The following JHY variants were observed in gnomAD, a reference collection of about 807,000 sequenced individuals.
JHY encodes junctional cadherin complex regulator.
A neutral mutation model predicts 78.0 loss-of-function variants in JHY; 69 were observed. The observed-to-expected ratio is 0.88, with a 90% CI of 0.73 to 1.08. JHY has a LOEUF of 1.08. JHY is among the 50% of genes least tolerant of loss of function. The pLI, the probability that JHY is intolerant of heterozygous loss-of-function variation, is 0.00. For synonymous variants in JHY, 368 were observed against 342.6 expected (o/e 1.07, Z -0.82); for missense variants, 944 against 927.8 (o/e 1.02, Z -0.23).
chr11:122,935,144 A>G lies in JHY; in HGVS notation c.1634+69A>G. On this transcript the variant is annotated intron_variant, in intron 5 of 8. Transcript: ENST00000227349. The surrounding 1 kb of genome is among the most constrained non-coding windows in gnomAD (Gnocchi z 4.5). Reference sequence around the variant, plus strand: ...AGAGACTGCTGCAGAAAGACGGGAGAGGAAGAAGGGGAAGGGGAATCCATA... The same window carrying G: ...AGAGACTGCTGCAGAAAGACGGGAGGGGAAGAAGGGGAAGGGGAATCCATA... 1 of 1,385,012 alleles carries G rather than the reference A, an allele frequency of 7.2e-7. No homozygotes were observed. Among genetic ancestry groups the G allele is most frequent in the African/African-American group, 1.5e-5 (1 of 68,802 alleles). 85.8% of individuals were successfully genotyped at this position (1,385,012 alleles called of 1,614,324 possible).
chr11:122,912,349 G>A (rs879366556), intron 3 of JHY, among the ~76,000 whole-genome samples: 6 of 151,878 alleles, frequency 4.0e-5, no homozygotes, highest in South Asian at 2.1e-4. Flanking sequence ...AGGTCTCTCT[G>A]AGGACGTATC....
At chr11:122,902,207 G>A (rs1226974566) in intron 2 of JHY, among the ~76,000 whole-genome samples, 3 of 151,632 alleles carry the variant, frequency 2.0e-5, no homozygotes, top group Admixed American at 6.6e-5. Flanking sequence ...CTGTAATCCC[G>A]AAACTTTGGG....
chr11:122,904,774 CA>C (rs1259186223), intron 3 of JHY, among the ~76,000 whole-genome samples: 3 of 152,196 alleles, frequency 2.0e-5, no homozygotes, highest in Non-Finnish European at 4.4e-5. Context: ...ATTCTCCATT[CA>C]AAGAAATCTG....
intron 8 of JHY, among the ~76,000 whole-genome samples, chr11:122,958,155 C>T (rs1037958192): frequency 6.6e-6 from 1 of 152,190 alleles, no homozygotes; most frequent in Non-Finnish European, 1.5e-5. Context: ...TGTTCTCCCT[C>T]TCAGATGGCA....
Position 122,962,599 on chromosome 11 carries a change from T to G in JHY, c.*3154T>G, listed in dbSNP as rs1472689131. Among the ~76,000 whole-genome samples, 3 of 152,204 alleles carry G rather than the reference T, an allele frequency of 2.0e-5. No individual in the cohort carries two copies. On this transcript the variant is annotated 3_prime_UTR_variant, in exon 9 of 9. Coordinates refer to ENST00000227349, the MANE Select transcript of JHY (RefSeq NM_024806.4). Reference sequence around the variant, plus strand: ...ACATTTCTAGAAATATGAGGTAGAATGAATAACCTTCATTAATTGTTTCCG... The same window carrying G: ...ACATTTCTAGAAATATGAGGTAGAAGGAATAACCTTCATTAATTGTTTCCG...
intron 2 of JHY, among the ~76,000 whole-genome samples, chr11:122,892,476 C>G (rs1862642568): frequency 6.6e-6 from 1 of 152,122 alleles, no homozygotes; most frequent in East Asian, 1.9e-4. Flanking sequence ...GCGCGTGCCA[C>G]CATGCCTGGC....
intron 1 of JHY, among the ~76,000 whole-genome samples, chr11:122,884,622 A>C (rs1862455864): frequency 6.6e-6 from 1 of 152,118 alleles, no homozygotes; most frequent in Non-Finnish European, 1.5e-5. Context: ...GTTCACTTGA[A>C]TCACACTCGT....
In JHY at chr11:122,956,592, A is replaced by T; in HGVS notation, c.2010+16A>T. ...CAGAGACAAAGTGAGTGAGATGCAC[A>T]TACAGTGTTTCCAGACCTGACTCAG... On this transcript the variant is annotated intron_variant, in intron 7 of 8. Transcript: ENST00000227349. 1 of 1,610,776 alleles carries T rather than the reference A, an allele frequency of 6.2e-7. No homozygotes were observed. The highest frequency in any genetic ancestry group is 8.5e-7 in the Non-Finnish European group (1 of 1,177,558).
chr11:122,937,153 G>A (rs1863772978), intron 5 of JHY, among the ~76,000 whole-genome samples: 1 of 151,140 alleles, frequency 6.6e-6, no homozygotes. Context: ...GTCTTAAAAT[G>A]TACTGTCATA....
chr11:122,953,680 C>T (rs1159162312), intron 6 of JHY, among the ~76,000 whole-genome samples: 2 of 151,148 alleles, frequency 1.3e-5, no homozygotes, highest in African/African-American at 4.9e-5. Flanking sequence ...TATGAACAGA[C>T]AGATATAATG....
At chr11:122,888,490 T>C (rs1175512250) in intron 2 of JHY, among the ~76,000 whole-genome samples, 2 of 152,102 alleles carry the variant, frequency 1.3e-5, no homozygotes, top group African/African-American at 4.8e-5. Context: ...AAGAAACTCG[T>C]CTAAGGTTAT....
intron 1 of JHY, 30 bp from the exon 2 acceptor site, chr11:122,885,731 G>T: frequency 2.8e-6 from 2 of 718,788 alleles, no homozygotes; most frequent in Non-Finnish European, 4.5e-6. Context: ...TTTAGTGGTC[G>T]CAGAGTAACA....
At chr11:122,928,990 G>A (rs967865769) in intron 4 of JHY, among the ~76,000 whole-genome samples, 3 of 151,328 alleles carry the variant, frequency 2.0e-5, no homozygotes, top group African/African-American at 7.3e-5. Flanking sequence ...CGTTACCCAG[G>A]CTGGAGTGCA....
At chr11:122,959,014 A>G (rs1218610672) in intron 8 of JHY, 3 of 984,538 alleles carry the variant, frequency 3.0e-6, no homozygotes, top group Non-Finnish European at 3.6e-6. Flanking sequence ...AAAGGACACA[A>G]CCGTATGTAT....
Position 122,885,777 on chromosome 11 carries a change from C to A in JHY, c.-73C>A. 1 of 1,236,636 alleles carries A rather than the reference C, an allele frequency of 8.1e-7. No homozygotes were observed. The highest frequency in any genetic ancestry group is 1.1e-6 in the Non-Finnish European group (1 of 882,706). The allele number at this position is 1,236,636 out of a possible 1,614,324, so 76.6% of individuals were successfully genotyped here. On this transcript the variant is annotated 5_prime_UTR_variant, in exon 2 of 9. Transcript: ENST00000227349. ...TTTTTTCAGGTAACGCTTTTGTGAA[C>A]CACAACTTTAAATATCAGCCAGCTG...
Position 122,946,492 on chromosome 11 carries a change from A to G in JHY, c.1635-6A>G. ...ATAGATTTGTGCCTTTTTTTTTTTCATTAAGGAAATTCCATTCTTCTTCTG... is the reference window on the plus strand; with the variant it reads ...ATAGATTTGTGCCTTTTTTTTTTTCGTTAAGGAAATTCCATTCTTCTTCTG... On this transcript the variant is annotated splice_polypyrimidine_tract_variant and splice_region_variant and intron_variant, in intron 5 of 8. Transcript: ENST00000227349. 1 of 1,548,876 alleles carries G rather than the reference A, an allele frequency of 6.5e-7. No homozygotes were observed.
At chr11:122,887,437 C>T (rs2135278623) in intron 2 of JHY, among the ~76,000 whole-genome samples, 1 of 152,262 alleles carries the variant, frequency 6.6e-6, no homozygotes, top group South Asian at 2.1e-4. Context: ...ATTCTCCTGC[C>T]TCAGCCTCCC....
Position 122,885,967 on chromosome 11 carries a change from A to AAAT in JHY, c.120_121insTAA (p.Lys40_Asp41insTer), listed in dbSNP as rs772490757. ...GAAAGAAGACTTACATCGGATTTCA[A>AAAT]AAGACTCCTTGGAATCTGATTCAGA... On this transcript the variant is annotated stop_gained and inframe_insertion, in exon 2 of 9. Transcript: ENST00000227349. LOFTEE classifies it high-confidence loss of function. 27 of 1,614,112 alleles carry AAAT rather than the reference A, an allele frequency of 1.7e-5. 1 individual carries two copies. In the Middle Eastern group the frequency reaches 4.9e-4, roughly 29 times the overall value.
At chr11:122,896,707 A>T (rs1280374452) in intron 2 of JHY, among the ~76,000 whole-genome samples, 4 of 152,214 alleles carry the variant, frequency 2.6e-5, no homozygotes, top group Non-Finnish European at 5.9e-5. Flanking sequence ...ACAATACACA[A>T]CAACGGTGTT....
Sources: allele counts gnomAD v4.1 joint callset (sites outside exome capture counted in the v4.1 genomes callset), GRCh38; gene constraint gnomAD v4.1.1; non-coding constraint Gnocchi (gnomAD v3.1); transcripts MANE v1.5; gene names NCBI Gene and HGNC (gene_info 2026-07-23, HGNC 2026-07-21).